Variants in ERBB2 observed in about 807,000 individuals in gnomAD.
ERBB2 encodes receptor tyrosine-protein kinase erbB-2.
ERBB2 carries 61 observed loss-of-function variants against 149.0 expected under a neutral mutation model. That is an observed-to-expected ratio of 0.41 (90% confidence interval 0.33 to 0.51). ERBB2 has a LOEUF of 0.51. Ranked by LOEUF, ERBB2 falls within the 20% of genes least tolerant of loss-of-function variation. The pLI, the probability that ERBB2 is intolerant of heterozygous loss-of-function variation, is 0.25. For synonymous variants in ERBB2, 633 were observed against 678.8 expected, an observed-to-expected ratio of 0.93 and a Z score of 1.05; for missense variants, 1,205 against 1,655.1, an observed-to-expected ratio of 0.73 and a Z score of 4.72.
intron 3 of ERBB2, among the ~76,000 whole-genome samples, chr17:39,708,807 T>C (rs904637364): frequency 6.6e-6 from 1 of 152,200 alleles, no homozygotes; most frequent in East Asian, 1.9e-4. Flanking sequence ...GAACAACCTA[T>C]GTAACTATTT....
intron 4 of ERBB2, 46 bp from the exon 5 acceptor site, chr17:39,709,767 G>T (rs777711090): frequency 1.3e-6 from 2 of 1,553,886 alleles, no homozygotes; most frequent in Non-Finnish European, 8.9e-7. Flanking sequence ...CCGTCCTCTC[G>T]CTGTTAGACA....
chr17:39,719,701 C>T, intron 15 of ERBB2, 86 bp from the exon 16 acceptor site: 3 of 1,372,636 alleles, frequency 2.2e-6, no homozygotes, highest in Non-Finnish European at 3.1e-6. Flanking sequence ...CCCAGCCACA[C>T]CCCTCCCAGG....
At chr17:39,691,298 C>T (rs1280892070), upstream of ERBB2, among the ~76,000 whole-genome samples, 1 of 151,930 alleles carries the variant, frequency 6.6e-6, no homozygotes, top group Non-Finnish European at 1.5e-5. Flanking sequence ...AATCCCAGCA[C>T]TGTGGGAGGC....
upstream of ERBB2, among the ~76,000 whole-genome samples, chr17:39,698,729 G>C (rs368017811): frequency 6.6e-6 from 1 of 152,194 alleles, no homozygotes; most frequent in East Asian, 1.9e-4. Context: ...GTGGGAGATG[G>C]GGGGGAGGGA....
chr17:39,691,211 A>G (rs1314930387), upstream of ERBB2, among the ~76,000 whole-genome samples: 1 of 151,970 alleles, frequency 6.6e-6, no homozygotes, highest in Non-Finnish European at 1.5e-5. Context: ...TGTACTTTTC[A>G]TGGTCAGAGG....
chr17:39,712,783 C>T (rs916612187), intron 9 of ERBB2, among the ~76,000 whole-genome samples: 2 of 152,194 alleles, frequency 1.3e-5, no homozygotes, highest in South Asian at 2.1e-4. Context: ...AAACAAGTGG[C>T]AGTGTATCCA....
In ERBB2 at chr17:39,712,177, C is replaced by T. The variant is rs769671865; in HGVS notation, c.1021+130C>T. 3.2e-5 allele frequency: 48 copies of T among 1,523,064 alleles called. No individual in the cohort carries two copies. The Admixed American group carries it at 8.2e-4, about 26-fold the overall frequency. The allele number at this position is 1,523,064 out of a possible 1,614,324, so 94.3% of individuals were successfully genotyped here. ...CTAGTCTCTGCCTTCTACTCTCTAC[C>T]CCTGGCCCCCCTCAGCCCTACAAGT... On this transcript the variant is annotated intron_variant, in intron 8 of 26. Coordinates refer to ENST00000269571, the MANE Select transcript of ERBB2 (RefSeq NM_004448.4).
upstream of ERBB2, among the ~76,000 whole-genome samples, chr17:39,694,273 G>GTATA (rs1210055293): frequency 2.4e-4 from 6 of 25,500 alleles, no homozygotes; most frequent in African/African-American, 5.3e-4. Context: ...ATATATGTGT[G>GTATA]TATATATATA....
rs747461130 is a variant in ERBB2, at chr17:39,726,624, A to G, written c.2935A>G (p.Met979Val). 2 of 1,614,146 alleles carry G rather than the reference A, an allele frequency of 1.2e-6. No individual in the cohort carries two copies. The highest frequency in any genetic ancestry group is 1.1e-5 in the South Asian group (1 of 91,086). ...FRELVSEFSR[M>V]ARDPQRFVVI... ...GGAGTTGGTGTCTGAATTCTCCCGCATGGCCAGGGACCCCCAGCGCTTTGT... is the reference window on the plus strand; with the variant it reads ...GGAGTTGGTGTCTGAATTCTCCCGCGTGGCCAGGGACCCCCAGCGCTTTGT... The change falls in exon 24 of 27, where the codon ATG becomes GTG. Residue 979 changes from methionine to valine, a missense_variant. By Grantham distance (21) the Met-to-Val change is conservative. Coordinates refer to ENST00000269571, the MANE Select transcript of ERBB2 (RefSeq NM_004448.4). This position sits in a 1 kb window ranked among gnomAD's most constrained non-coding sequence, Gnocchi z 5.1.
chr17:39,700,677 C>T (rs952576999), intron 1 of ERBB2, among the ~76,000 whole-genome samples: 1 of 152,208 alleles, frequency 6.6e-6, no homozygotes, highest in African/African-American at 2.4e-5. Context: ...TTTCTCAAAG[C>T]CTTTCCAGTT....
At position 39,720,042 on chromosome 17, in the gene ERBB2, T is replaced by C. The variant is rs2145755294; in HGVS notation, c.1946+208T>C. The C allele has an allele frequency of 1.4e-5, 8 of 578,150 alleles. No individual in the cohort carries two copies. In the South Asian group the frequency reaches 1.6e-4, roughly 11 times the overall value. The allele number at this position is 578,150 out of a possible 1,614,324, so 35.8% of individuals were successfully genotyped here. A position where few individuals can be genotyped will look rare whatever the true frequency, so the allele number is the denominator to read the frequency against. On this transcript the variant is annotated intron_variant, in intron 16 of 26. Transcript: ENST00000269571. Reference sequence around the variant, plus strand: ...GGAGGGGACTGCAAGGAAAGATGGCTAGGAAACCCAGTCCCTCCACACCCT... The same window carrying C: ...GGAGGGGACTGCAAGGAAAGATGGCCAGGAAACCCAGTCCCTCCACACCCT...
At chr17:39,694,340 TATAAA>T (rs1233741779), upstream of ERBB2, among the ~76,000 whole-genome samples, 66 of 138,488 alleles carry the variant, frequency 4.8e-4, no homozygotes, top group African/African-American at 1.7e-3. Flanking sequence ...TATGTGTATA[TATAAA>T]ATAAAATAAA....
rs1044243016 is a variant in ERBB2, at chr17:39,728,445, C to T, written c.*401C>T. ...CCCATTCAGAGACTGTCCCTGAAAC[C>T]TAGTACTGCCCCCCATGAGGAAGGA... On this transcript the variant is annotated 3_prime_UTR_variant, in exon 27 of 27. Transcript: ENST00000269571. 2 of 257,018 alleles carry T rather than the reference C, an allele frequency of 7.8e-6. No homozygotes were observed. The highest frequency in any genetic ancestry group is 4.3e-5 in the African/African-American group (2 of 46,092). The allele number at this position is 257,018 out of a possible 1,614,324, so 15.9% of individuals were successfully genotyped here.
chr17:39,728,119 A>G lies in ERBB2; in HGVS notation c.*75A>G. 1 of 1,112,854 alleles carries G rather than the reference A, an allele frequency of 9.0e-7. No homozygotes were observed. The highest frequency in any genetic ancestry group is 1.3e-6 in the Non-Finnish European group (1 of 791,670). The allele number at this position is 1,112,854 out of a possible 1,614,324, so 68.9% of individuals were successfully genotyped here. Reference sequence around the variant, plus strand: ...GAAGGCCTGACTTCTGCTGGCATCAAGAGGTGGGAGGGCCCTCCGACCACT... The same window carrying G: ...GAAGGCCTGACTTCTGCTGGCATCAGGAGGTGGGAGGGCCCTCCGACCACT... On this transcript the variant is annotated 3_prime_UTR_variant, in exon 27 of 27. Transcript: ENST00000269571.
chr17:39,721,921 T>G (rs867730142), intron 16 of ERBB2, among the ~76,000 whole-genome samples: 7 of 152,226 alleles, frequency 4.6e-5, no homozygotes, highest in African/African-American at 1.7e-4. Flanking sequence ...TATTTATTTA[T>G]TTATTATTTA....
chr17:39,718,337 G>C (rs182227916), intron 15 of ERBB2, among the ~76,000 whole-genome samples: 1 of 152,096 alleles, frequency 6.6e-6, no homozygotes, highest in Admixed American at 6.6e-5. Context: ...CAAAGCCAAC[G>C]TGCCCTTTCA....
At chr17:39,702,310 A>G (rs1287243530) in intron 1 of ERBB2, among the ~76,000 whole-genome samples, 1 of 152,106 alleles carries the variant, frequency 6.6e-6, no homozygotes, top group Non-Finnish European at 1.5e-5. Flanking sequence ...GAAAAAAAGT[A>G]TACCACCCAG....
chr17:39,700,110 G>A lies in ERBB2; in HGVS notation c.-129G>A. ...AACCAGGGGAGCCCCCCGGGCAGCC[G>A]CGCGCCCCTTCCCACGGGGCCCTTT... is the stretch of plus-strand genomic sequence containing the variant. On this transcript the variant is annotated 5_prime_UTR_variant, in exon 1 of 27. Coordinates refer to ENST00000269571, the MANE Select transcript of ERBB2 (RefSeq NM_004448.4). The A allele has an allele frequency of 7.8e-7, 1 of 1,287,648 alleles. No individual in the cohort carries two copies. Among genetic ancestry groups the A allele is most frequent in the Non-Finnish European group, 9.8e-7 (1 of 1,021,130 alleles). The allele number at this position is 1,287,648 out of a possible 1,614,324, so 79.8% of individuals were successfully genotyped here. A position where few individuals can be genotyped will look rare whatever the true frequency, so the allele number is the denominator to read the frequency against.
chr17:39,694,295 A>G (rs1232637183), upstream of ERBB2, among the ~76,000 whole-genome samples: 1 of 59,236 alleles, frequency 1.7e-5, no homozygotes, highest in Non-Finnish European at 3.9e-5. Flanking sequence ...ATATACACAT[A>G]TATATGTGTA....
Sources: gnomAD v4.1 joint callset for allele counts (sites outside exome capture counted in the v4.1 genomes callset) on GRCh38, gnomAD v4.1.1 for gene constraint, Gnocchi (gnomAD v3.1) non-coding constraint, MANE v1.5 for transcripts, NCBI Gene and HGNC (gene_info 2026-07-23, HGNC 2026-07-21) for gene names.